The following RANBP17 variants were observed in gnomAD, a reference collection of about 807,000 sequenced individuals.
RANBP17 encodes the protein ran-binding protein 17.
RANBP17 carries 158 observed loss-of-function variants against 141.2 expected under a neutral mutation model. The observed-to-expected ratio is 1.12, with a 90% confidence interval of 0.98 to 1.28. The LOEUF (loss-of-function observed/expected upper bound fraction) is 1.28. Among genes scored for constraint, RANBP17 ranks in the 50% most tolerant of loss-of-function variants. The pLI is 0.00. For synonymous variants in RANBP17, 430 were observed against 450.0 expected, an observed-to-expected ratio of 0.96 and a Z score of 0.56; for missense variants, 1,438 against 1,290.7, an observed-to-expected ratio of 1.11 and a Z score of -1.75.
intron 13 of RANBP17, among the ~76,000 whole-genome samples, chr5:170,963,105 A>G (rs1178327914): frequency 1.3e-5 from 2 of 152,218 alleles, no homozygotes; most frequent in African/African-American, 4.8e-5. Flanking sequence ...CATGGTAAAA[A>G]TAATTGGTCA....
At chr5:171,047,382 C>T (rs1327129810) in intron 14 of RANBP17, among the ~76,000 whole-genome samples, 1 of 151,064 alleles carries the variant, frequency 6.6e-6, no homozygotes, top group Non-Finnish European at 1.5e-5. Context: ...ACTTAATTGC[C>T]TCCATATATC....
At chr5:170,902,650 C>T (rs939685012) in intron 5 of RANBP17, among the ~76,000 whole-genome samples, 9 of 152,158 alleles carry the variant, frequency 5.9e-5, no homozygotes, top group Admixed American at 2.0e-4. Flanking sequence ...TCCTCATCTT[C>T]GTGGATTTAT....
At chr5:171,209,850 T>C (rs1762773658) in intron 20 of RANBP17, among the ~76,000 whole-genome samples, 1 of 152,214 alleles carries the variant, frequency 6.6e-6, no homozygotes, top group African/African-American at 2.4e-5. Flanking sequence ...TGGCAAGCTA[T>C]TTCTATTCTG....
chr5:171,094,416 T>A (rs1786527631), intron 14 of RANBP17, among the ~76,000 whole-genome samples: 1 of 152,214 alleles, frequency 6.6e-6, no homozygotes, highest in Non-Finnish European at 1.5e-5. Context: ...GCCCAGTGCC[T>A]GGCATTTTGA....
chr5:170,869,226 A>G (rs1025232357), intron 1 of RANBP17, among the ~76,000 whole-genome samples: 4 of 152,216 alleles, frequency 2.6e-5, no homozygotes, highest in African/African-American at 9.7e-5. Flanking sequence ...AAAACAGACA[A>G]ATAATTTCCA....
At chr5:171,197,944 C>T (rs992580019) in intron 18 of RANBP17, among the ~76,000 whole-genome samples, 5 of 152,162 alleles carry the variant, frequency 3.3e-5, no homozygotes, top group African/African-American at 1.2e-4. Context: ...GAGGCTGAGG[C>T]AGGAGAATGG....
intron 13 of RANBP17, among the ~76,000 whole-genome samples, chr5:170,961,939 T>G (rs1776179804): frequency 6.6e-6 from 1 of 152,190 alleles, no homozygotes; most frequent in South Asian, 2.1e-4. Context: ...TTTTCTAGGT[T>G]GTTTTGCAGC....
chr5:171,257,833 C>G (rs1156418744), intron 24 of RANBP17, among the ~76,000 whole-genome samples: 1 of 152,002 alleles, frequency 6.6e-6, no homozygotes, highest in African/African-American at 2.4e-5. Context: ...AAGCCAGGCA[C>G]GGTGGCTCAC....
At chr5:171,032,086 T>A (rs1422676834) in intron 14 of RANBP17, among the ~76,000 whole-genome samples, 1 of 152,120 alleles carries the variant, frequency 6.6e-6, no homozygotes, top group East Asian at 1.9e-4. Flanking sequence ...GGATTTGTTA[T>A]CTCTTGCAGA....
At chr5:171,249,127 C>G (rs758152367) in intron 24 of RANBP17, among the ~76,000 whole-genome samples, 4 of 152,196 alleles carry the variant, frequency 2.6e-5, no homozygotes, top group Non-Finnish European at 5.9e-5. Context: ...CCACTAATAA[C>G]TGCACCCTAA....
chr5:171,099,156 C>G (rs1786929831), intron 14 of RANBP17, among the ~76,000 whole-genome samples: 1 of 152,098 alleles, frequency 6.6e-6, no homozygotes, highest in African/African-American at 2.4e-5. Context: ...TGAAGAAAGT[C>G]AATGGTAGTT....
intron 13 of RANBP17, among the ~76,000 whole-genome samples, chr5:170,955,458 A>G (rs1328600713): frequency 6.0e-5 from 4 of 66,646 alleles, no homozygotes; most frequent in Admixed American, 1.8e-4. Flanking sequence ...CTCAGTATAT[A>G]TATATATCTA....
intron 2 of RANBP17, among the ~76,000 whole-genome samples, chr5:170,880,228 G>C (rs1408304609): frequency 1.3e-5 from 2 of 152,208 alleles, no homozygotes; most frequent in South Asian, 2.1e-4. Context: ...AGAATAAACA[G>C]ATAGTAAGTA....
At chr5:171,131,188 C>T (rs1352217984) in intron 14 of RANBP17, among the ~76,000 whole-genome samples, 1 of 152,098 alleles carries the variant, frequency 6.6e-6, no homozygotes, top group African/African-American at 2.4e-5. Context: ...GAGGAGATTA[C>T]CTGTAGTAAG....
At chr5:171,050,286 A>G (rs1487535464) in intron 14 of RANBP17, among the ~76,000 whole-genome samples, 6 of 152,214 alleles carry the variant, frequency 3.9e-5, no homozygotes, top group Non-Finnish European at 8.8e-5. Flanking sequence ...TCTAGAAATT[A>G]TACATATTCA....
intron 25 of RANBP17, among the ~76,000 whole-genome samples, chr5:171,278,345 C>T (rs529857778): frequency 2.6e-5 from 4 of 152,060 alleles, no homozygotes; most frequent in African/African-American, 9.6e-5. Flanking sequence ...GGTGAAACCC[C>T]GTCTCTACTA....
intron 14 of RANBP17, among the ~76,000 whole-genome samples, chr5:171,030,396 G>A (rs1465222915): frequency 2.0e-5 from 3 of 152,030 alleles, no homozygotes; most frequent in African/African-American, 4.8e-5. Context: ...AAATTGTTGG[G>A]TACAAACCCT....
chr5:171,126,273 G>C (rs536748336), intron 14 of RANBP17, among the ~76,000 whole-genome samples: 15 of 152,234 alleles, frequency 9.9e-5, no homozygotes, highest in Non-Finnish European at 1.9e-4. Context: ...CTTGAGACGA[G>C]TGAAAATGGA....
intron 14 of RANBP17, among the ~76,000 whole-genome samples, chr5:171,058,285 A>T (rs1272277073): frequency 4.8e-5 from 7 of 146,254 alleles, no homozygotes; most frequent in Non-Finnish European, 9.0e-5. Context: ...AGCATTAGGT[A>T]TATCTCCTAA....
Sources: allele counts gnomAD v4.1 joint callset (sites outside exome capture counted in the v4.1 genomes callset), GRCh38; gene constraint gnomAD v4.1.1; transcripts MANE v1.5; gene names NCBI Gene and HGNC (gene_info 2026-07-23, HGNC 2026-07-21).